The following PTGIS variants were observed in gnomAD, a reference collection of about 807,000 sequenced individuals.
The protein encoded by PTGIS is prostaglandin I2 synthase.
A neutral mutation model predicts 50.3 loss-of-function variants in PTGIS; 45 were observed. The observed-to-expected ratio is 0.90, with a 90% CI of 0.70 to 1.15. PTGIS has a LOEUF of 1.15. PTGIS is among the 50% of genes most tolerant of loss of function. The pLI is 0.00. For synonymous variants in PTGIS, 260 were observed against 267.7 expected, an observed-to-expected ratio of 0.97 and a Z score of 0.28; for missense variants, 668 against 661.3, an observed-to-expected ratio of 1.01 and a Z score of -0.11.
intron 6 of PTGIS, among the ~76,000 whole-genome samples, chr20:49,514,775 G>A (rs960064788): frequency 1.3e-5 from 2 of 152,156 alleles, no homozygotes; most frequent in Non-Finnish European, 1.5e-5. Context: ...CAGAATCCAC[G>A]CTCCTTACCA....
At chr20:49,532,363 A>T (rs1302918315) in intron 5 of PTGIS, among the ~76,000 whole-genome samples, 2 of 152,180 alleles carry the variant, frequency 1.3e-5, no homozygotes, top group Non-Finnish European at 2.9e-5. Flanking sequence ...GTCAAAAGAG[A>T]ATTTTCCTTT....
intron 1 of PTGIS, among the ~76,000 whole-genome samples, chr20:49,561,521 T>C (rs1390254339): frequency 6.6e-6 from 1 of 152,192 alleles, no homozygotes; most frequent in African/African-American, 2.4e-5. Flanking sequence ...CAAGTAGCCT[T>C]GGAATAACTG....
At chr20:49,533,988 T>TAA (rs1491309708) in intron 5 of PTGIS, among the ~76,000 whole-genome samples, 15 of 150,210 alleles carry the variant, frequency 1.0e-4, no homozygotes, top group Admixed American at 9.9e-4. Context: ...TATATATATA[T>TAA]AAAATGTATG....
chr20:49,541,832 T>C (rs1982238603), intron 4 of PTGIS, among the ~76,000 whole-genome samples: 1 of 152,014 alleles, frequency 6.6e-6, no homozygotes, highest in Non-Finnish European at 1.5e-5. Flanking sequence ...AGCCGGCAGC[T>C]CCATATCAAA....
chr20:49,522,859 C>T (rs949805827), intron 6 of PTGIS, among the ~76,000 whole-genome samples: 6 of 151,918 alleles, frequency 3.9e-5, no homozygotes, highest in Admixed American at 6.6e-5. Flanking sequence ...CCCATCTGTA[C>T]TAAAAATACA....
In PTGIS at chr20:49,524,231, C is replaced by G. The variant is rs1326284040; in HGVS notation, c.682G>C (p.Asp228His). 47 of 1,614,010 alleles carry G rather than the reference C, an allele frequency of 2.9e-5. No individual in the cohort carries two copies. Among genetic ancestry groups the G allele is most frequent in the Non-Finnish European group, 4.0e-5 (47 of 1,180,040 alleles). ...ARGSLSVGDK[D>H]HMCSVKSRLW... The stretch of plus-strand genomic sequence containing the variant: ...CGACTTTTGACACTGCACATGTGGT[C>G]CTTGTCCCCTGCAGGGACAGAGCAC... Residue 228 changes from aspartate to histidine, a missense_variant, in exon 6 of 10, where the codon GAC becomes CAC. Asp to His is a moderately conservative substitution (Grantham distance 81). Coordinates refer to ENST00000244043, the MANE Select transcript of PTGIS (RefSeq NM_000961.4).
intron 1 of PTGIS, among the ~76,000 whole-genome samples, chr20:49,563,335 G>T (rs775864209): frequency 6.6e-6 from 1 of 152,152 alleles, no homozygotes; most frequent in Admixed American, 6.5e-5. Context: ...TACCTGCCCC[G>T]CACTGCTACC....
Position 49,547,993 on chromosome 20 carries a change from G to C in PTGIS, c.225C>G (p.Thr75=). Residue 75 remains threonine (T), a synonymous_variant, in exon 3 of 10, where the codon ACC becomes ACG. Coordinates refer to ENST00000244043, the MANE Select transcript of PTGIS (RefSeq NM_000961.4). ...CGTAGGAGTGTGGGTCCAGGAGAACGGTGACATACCTGCCCCCAACCAGTA... is the reference window on the plus strand; with the variant it reads ...CGTAGGAGTGTGGGTCCAGGAGAACCGTGACATACCTGCCCCCAACCAGTA... The part of the protein sequence containing the change: ...FTILVGGRYV[T]VLLDPHSYDA... The C allele has an allele frequency of 6.2e-7, 1 of 1,614,062 alleles. No homozygotes were observed.
rs1414477128 is a variant in PTGIS, at chr20:49,505,431, G to A, written c.*2489C>T. On this transcript the variant is annotated 3_prime_UTR_variant, in exon 10 of 10. Coordinates refer to ENST00000244043, the MANE Select transcript of PTGIS (RefSeq NM_000961.4). ...CTCAGGTAACAGCTGGAGCTGCCTG[G>A]TGGGAGCACATCTTTTCCTTGAGTG... The A allele has an allele frequency of 6.6e-6, 1 of 152,222 alleles. No individual in the cohort carries two copies. The highest frequency in any genetic ancestry group is 1.5e-5 in the Non-Finnish European group (1 of 68,052). The allele number at this position is 152,222 out of a possible 1,614,324, so 9.4% of individuals were successfully genotyped here.
intron 3 of PTGIS, among the ~76,000 whole-genome samples, chr20:49,547,571 C>T (rs1982389344): frequency 6.6e-6 from 1 of 151,998 alleles, no homozygotes; most frequent in African/African-American, 2.4e-5. Flanking sequence ...CTGACCCAAA[C>T]CCTGGTCTCC....
chr20:49,524,301 C>G, intron 5 of PTGIS, 62 bp from the exon 6 acceptor site: 13 of 1,565,602 alleles, frequency 8.3e-6, no homozygotes, highest in Non-Finnish European at 1.1e-5. Flanking sequence ...CCAGGGCTGG[C>G]CAGGCATGAC....
rs1981193857 is a variant in PTGIS at position 49,507,828 on chromosome 20, C to T, written c.*92G>A. 9.6e-6 allele frequency: 15 copies of T among 1,559,358 alleles called. No individual in the cohort carries two copies. The highest frequency in any genetic ancestry group is 4.5e-5 in the South Asian group (4 of 88,212). ...AAGTGGTAATGCTAGCACCTGCACC[C>T]GGGCCAACTGTGCACACAGAAAGCT... On this transcript the variant is annotated 3_prime_UTR_variant, in exon 10 of 10. Coordinates refer to ENST00000244043, the MANE Select transcript of PTGIS (RefSeq NM_000961.4).
intron 5 of PTGIS, among the ~76,000 whole-genome samples, chr20:49,529,306 G>C (rs921245970): frequency 2.6e-5 from 4 of 152,214 alleles, no homozygotes; most frequent in African/African-American, 9.6e-5. Flanking sequence ...CTGTTCTACT[G>C]TTCCTCTGAA....
chr20:49,561,386 G>A (rs1213546531), intron 1 of PTGIS, among the ~76,000 whole-genome samples: 2 of 152,216 alleles, frequency 1.3e-5, no homozygotes, highest in African/African-American at 4.8e-5. Context: ...TCTAGTCAAA[G>A]AGGAGACTTG....
chr20:49,537,329 G>A (rs115396176), intron 5 of PTGIS, among the ~76,000 whole-genome samples: 1,547 of 152,320 alleles, frequency 0.01, 29 homozygotes, highest in African/African-American at 0.035. Flanking sequence ...CCAACACTAA[G>A]TACGCTCTGC....
rs762372302 is a variant in PTGIS, at chr20:49,511,051, A to C, written c.1335T>G (p.Ser445Arg). 5.6e-6 allele frequency: 9 copies of C among 1,613,052 alleles called. No homozygotes were observed. The Admixed American group carries it at 1.5e-4, about 27-fold the overall frequency. ...ACTGTTTGATGCTGTTGACCGCATAACTCCTCCCCAGGCAGTGATTGTGCC... is the reference window on the plus strand; with the variant it reads ...ACTGTTTGATGCTGTTGACCGCATACCTCCTCCCCAGGCAGTGATTGTGCC... ...GAGHNHCLGR[S>R]YAVNSIKQFV... The change falls in exon 9 of 10, where the codon AGT becomes AGG. Residue 445 changes from serine (S) to arginine (R), a missense_variant. Ser to Arg is a moderately radical substitution (Grantham distance 110). Coordinates refer to ENST00000244043, the MANE Select transcript of PTGIS (RefSeq NM_000961.4).
chr20:49,564,455 G>A (rs1354598594), intron 1 of PTGIS, among the ~76,000 whole-genome samples: 2 of 152,090 alleles, frequency 1.3e-5, no homozygotes, highest in Admixed American at 6.5e-5. Context: ...GTTTCATCGT[G>A]TTAGCCAGGA....
intron 1 of PTGIS, among the ~76,000 whole-genome samples, chr20:49,551,756 TTA>T (rs1320466100): frequency 2.7e-5 from 4 of 150,360 alleles, no homozygotes; most frequent in Non-Finnish European, 5.9e-5. Context: ...GTGTGTGTGT[TTA>T]TGTGTGTGTG....
At chr20:49,561,345 T>A (rs896022118) in intron 1 of PTGIS, among the ~76,000 whole-genome samples, 4 of 152,070 alleles carry the variant, frequency 2.6e-5, no homozygotes, top group Non-Finnish European at 5.9e-5. Context: ...CTCCCAACCA[T>A]TCCCTCCTCT....
Sources: allele counts gnomAD v4.1 joint callset (sites outside exome capture counted in the v4.1 genomes callset), GRCh38; gene constraint gnomAD v4.1.1; transcripts MANE v1.5; gene names NCBI Gene and HGNC (gene_info 2026-07-23, HGNC 2026-07-21).